Variants in SBF2 observed in about 807,000 individuals in gnomAD.
SBF2 encodes the protein myotubularin-related protein 13.
SBF2 carries 112 observed loss-of-function variants against 225.2 expected under a neutral mutation model. The ratio of observed to expected loss-of-function variants is 0.50; its 90% CI spans 0.43 to 0.58. The LOEUF is 0.58. Among genes scored for constraint, SBF2 ranks in the 20% least tolerant of loss-of-function variants. The pLI is 0.00. For missense variants in SBF2, 1,996 were observed against 2,206.2 expected, an observed-to-expected ratio of 0.90 and a Z score of 1.91; for synonymous variants, 763 against 773.3, an observed-to-expected ratio of 0.99 and a Z score of 0.22.
At chr11:10,178,162 C>G (rs879830800) in intron 2 of SBF2, among the ~76,000 whole-genome samples, 13 of 146,728 alleles carry the variant, frequency 8.9e-5, no homozygotes, top group Non-Finnish European at 1.8e-4. Flanking sequence ...GAAACTGGAT[C>G]CCTTCCTTAC....
intron 2 of SBF2, among the ~76,000 whole-genome samples, chr11:10,185,618 C>CTTT (rs202109502): frequency 8.0e-5 from 11 of 137,098 alleles, no homozygotes; most frequent in Non-Finnish European, 1.6e-4. Flanking sequence ...CTGTGCTTGG[C>CTTT]TTTTTTTTTT....
At chr11:10,292,129 T>C in intron 1 of SBF2, among the ~76,000 whole-genome samples, 1 of 152,242 alleles carries the variant, frequency 6.6e-6, no homozygotes, top group East Asian at 1.9e-4. Context: ...TGGATCCTTT[T>C]GCCAGTAAAG....
At chr11:9,965,541 G>A (rs1221458155) in intron 14 of SBF2, among the ~76,000 whole-genome samples, 6 of 152,058 alleles carry the variant, frequency 3.9e-5, no homozygotes, top group Non-Finnish European at 8.8e-5. Context: ...GCCGACCTCG[G>A]CCTCCCAAAG....
intron 1 of SBF2, among the ~76,000 whole-genome samples, chr11:10,270,354 TATATA>T (rs1962371769): frequency 1.3e-5 from 2 of 152,168 alleles, no homozygotes; most frequent in African/African-American, 4.8e-5. Context: ...TTATATGTAT[TATATA>T]ATGTATTCTA....
chr11:9,967,971 C>CTCTCTCTATATATATATA (rs1260685462), intron 14 of SBF2, among the ~76,000 whole-genome samples: 8 of 91,506 alleles, frequency 8.7e-5, no homozygotes, highest in African/African-American at 3.0e-4. Flanking sequence ...CTCTCTCTCT[C>CTCTCTCTATATATATATA]TATATATATA....
rs60485793 is a variant in SBF2 at position 10,094,528 on chromosome 11, A to ATTTTTTTTTTTTTTTTTTT, written c.142-51548_142-51547insAAAAAAAAAAAAAAAAAAA. 2.3e-4 allele frequency among the ~76,000 whole-genome samples: 25 copies of ATTTTTTTTTTTTTTTTTTT among 107,278 alleles called. 1 individual carries two copies. Among genetic ancestry groups the ATTTTTTTTTTTTTTTTTTT allele is most frequent in the East Asian group, 9.2e-4 (3 of 3,252 alleles). 70.4% of individuals were successfully genotyped at this position (107,278 alleles called of 152,430 possible). ...TTTTCCCTACTACAAATACACACAG[A>ATTTTTTTTTTTTTTTTTTT]TTTTTTTTTTTTTTTTTTGAGACAG... On this transcript the variant is annotated intron_variant, in intron 2 of 39. Transcript: ENST00000256190.
chr11:9,839,069 T>C (rs1455503296), intron 26 of SBF2: 2 of 249,426 alleles, frequency 8.0e-6, no homozygotes, highest in African/African-American at 2.3e-5. Flanking sequence ...TGCGGCACAG[T>C]TGAATAGCTG....
Position 10,077,945 on chromosome 11 carries a change from AAAAC to A in SBF2, c.142-34968_142-34965del, listed in dbSNP as rs533871803. Among the ~76,000 whole-genome samples the A allele has an allele frequency of 1.5e-3, 236 of 152,326 alleles. 2 individuals carry two copies. Among genetic ancestry groups the A allele is most frequent in the African/African-American group, 5.2e-3 (218 of 41,584 alleles). On this transcript the variant is annotated intron_variant, in intron 2 of 39. Transcript: ENST00000256190. ...AGAACTTAAACAAATTTACAAGAAA[AAAAC>A]AAACAACCTCATCAACAAGTGGGCA...
At chr11:9,782,598 C>T (rs752916781) in intron 38 of SBF2, among the ~76,000 whole-genome samples, 2 of 152,128 alleles carry the variant, frequency 1.3e-5, no homozygotes, top group African/African-American at 2.4e-5. Flanking sequence ...AGGCCGGGCA[C>T]GGTTGCTCAT....
chr11:9,923,890 A>AC (rs11432054), intron 16 of SBF2, among the ~76,000 whole-genome samples: 75,496 of 152,018 alleles, frequency 0.5, 19,098 homozygotes, highest in African/African-American at 0.55. Flanking sequence ...AAAATTAGAG[A>AC]CCAGATTTAT....
chr11:10,048,176 T>C (rs753179591), intron 2 of SBF2, among the ~76,000 whole-genome samples: 3 of 152,164 alleles, frequency 2.0e-5, no homozygotes, highest in Non-Finnish European at 2.9e-5. Flanking sequence ...CTCAGGAAGC[T>C]GCAGATATGA....
intron 16 of SBF2, among the ~76,000 whole-genome samples, chr11:9,940,619 G>A (rs1444616685): frequency 6.6e-6 from 1 of 152,072 alleles, no homozygotes; most frequent in African/African-American, 2.4e-5. Flanking sequence ...CTATTAAGTT[G>A]TAGGAATATA....
chr11:10,053,192 C>T (rs1287695967), intron 2 of SBF2, among the ~76,000 whole-genome samples: 1 of 151,876 alleles, frequency 6.6e-6, no homozygotes, highest in Admixed American at 6.6e-5. Flanking sequence ...AATATCATAA[C>T]CAATTCCCTA....
intron 8 of SBF2, among the ~76,000 whole-genome samples, chr11:9,998,842 T>C (rs1427179453): frequency 6.6e-6 from 1 of 152,246 alleles, no homozygotes; most frequent in Non-Finnish European, 1.5e-5. Context: ...CTCTATGGAC[T>C]GCTGCATGAA....
At chr11:9,982,255 T>C (rs549083576) in intron 13 of SBF2, among the ~76,000 whole-genome samples, 15 of 152,340 alleles carry the variant, frequency 9.8e-5, no homozygotes, top group Admixed American at 9.1e-4. Context: ...CAGAGGACAC[T>C]GGTCGGTTCT....
At chr11:9,997,186 A>C (rs1413831505) in intron 9 of SBF2, among the ~76,000 whole-genome samples, 1 of 152,192 alleles carries the variant, frequency 6.6e-6, no homozygotes, top group Non-Finnish European at 1.5e-5. Flanking sequence ...AGGGGAAAAA[A>C]TGTTTTAAAT....
At chr11:10,035,573 A>G (rs1949404042) in intron 3 of SBF2, among the ~76,000 whole-genome samples, 1 of 152,192 alleles carries the variant, frequency 6.6e-6, no homozygotes, top group Non-Finnish European at 1.5e-5. Flanking sequence ...TAAAAGAAAA[A>G]AACAAACAAC....
chr11:10,208,600 GA>G (rs1173522510), intron 1 of SBF2, among the ~76,000 whole-genome samples: 3 of 150,568 alleles, frequency 2.0e-5, no homozygotes, highest in African/African-American at 4.9e-5. Context: ...ACAGAATGGA[GA>G]AAAAAAAAGA....
intron 2 of SBF2, among the ~76,000 whole-genome samples, chr11:10,043,694 C>T (rs1949745116): frequency 6.6e-6 from 1 of 152,102 alleles, no homozygotes. Context: ...CCCATCTCAG[C>T]CTCCTGAGTA....
Sources: gnomAD v4.1 joint callset for allele counts (sites outside exome capture counted in the v4.1 genomes callset) on GRCh38, gnomAD v4.1.1 for gene constraint, MANE v1.5 for transcripts, NCBI Gene and HGNC (gene_info 2026-07-23, HGNC 2026-07-21) for gene names.